The following CYP7B1 variants were observed in gnomAD, a reference collection of about 807,000 sequenced individuals.
CYP7B1 encodes cytochrome P450 7B1.
A neutral mutation model predicts 42.7 loss-of-function variants in CYP7B1; 29 were observed. The observed-to-expected ratio is 0.68, with a 90% CI of 0.51 to 0.93. The LOEUF is 0.93. Among genes scored for constraint, CYP7B1 ranks in the 40% least tolerant of loss-of-function variants. The pLI, the probability that CYP7B1 is intolerant of heterozygous loss-of-function variation, is 0.00. For synonymous variants in CYP7B1, 235 were observed against 218.2 expected, an observed-to-expected ratio of 1.08 and a Z score of -0.68; for missense variants, 655 against 600.5, an observed-to-expected ratio of 1.09 and a Z score of -0.95.
At chr8:64,625,407 C>T (rs1162397537) in intron 1 of CYP7B1, among the ~76,000 whole-genome samples, 1 of 152,166 alleles carries the variant, frequency 6.6e-6, no homozygotes, top group Non-Finnish European at 1.5e-5. Context: ...TTCCCGTCAT[C>T]ATAGGTAGGT....
intron 1 of CYP7B1, among the ~76,000 whole-genome samples, chr8:64,678,534 A>T (rs1307360816): frequency 6.6e-6 from 1 of 152,154 alleles, no homozygotes; most frequent in Non-Finnish European, 1.5e-5. Flanking sequence ...ATTTCCCAGG[A>T]TATTTTGAAC....
chr8:64,680,567 C>CA (rs36027601), intron 1 of CYP7B1, among the ~76,000 whole-genome samples: 5,219 of 149,742 alleles, frequency 0.035, 269 homozygotes, highest in African/African-American at 0.12. Context: ...TAAGAATTCA[C>CA]AAAAAAAAAC....
intron 1 of CYP7B1, among the ~76,000 whole-genome samples, chr8:64,794,625 A>G (rs1804676651): frequency 6.6e-6 from 1 of 152,176 alleles, no homozygotes; most frequent in African/African-American, 2.4e-5. Context: ...AATCTCATCT[A>G]TGAAGGCATT....
chr8:64,663,350 G>A (rs575634524), intron 1 of CYP7B1, among the ~76,000 whole-genome samples: 3 of 152,254 alleles, frequency 2.0e-5, no homozygotes, highest in African/African-American at 7.2e-5. Context: ...TTAGCACAGG[G>A]CTTGACACTT....
chr8:64,724,208 C>T lies in CYP7B1; in HGVS notation c.122+74258G>A, dbSNP rs546295817. ...TAGATGGAGTGCAGTGGCGCAATCT[C>T]GATACACTGCAACCTCTGCCTCCTG... On this transcript the variant is annotated intron_variant, in intron 1 of 5. Coordinates refer to ENST00000310193, the MANE Select transcript of CYP7B1 (RefSeq NM_004820.5). Among the ~76,000 whole-genome samples, 15 of 152,060 alleles carry T rather than the reference C, an allele frequency of 9.9e-5. No individual in the cohort carries two copies. In the East Asian group the frequency reaches 2.9e-3, roughly 29 times the overall value.
Position 64,594,122 on chromosome 8 carries a change from G to A in CYP7B1, c.*2520C>T, listed in dbSNP as rs576729918. Among the ~76,000 whole-genome samples the A allele has an allele frequency of 2.0e-5, 3 of 152,112 alleles. No homozygotes were observed. Among genetic ancestry groups the A allele is most frequent in the African/African-American group, 7.2e-5 (3 of 41,512 alleles). ...AAATGTGTGTATGTGGGGGGTGGGTGGTGGGGCTTGGGGACAAGGCATTTA... is the reference window on the plus strand; with the variant it reads ...AAATGTGTGTATGTGGGGGGTGGGTAGTGGGGCTTGGGGACAAGGCATTTA... On this transcript the variant is annotated 3_prime_UTR_variant, in exon 6 of 6. Coordinates refer to ENST00000310193, the MANE Select transcript of CYP7B1 (RefSeq NM_004820.5).
chr8:64,665,474 G>T (rs921600939), intron 1 of CYP7B1, among the ~76,000 whole-genome samples: 63 of 150,394 alleles, frequency 4.2e-4, no homozygotes, highest in African/African-American at 1.5e-3. Flanking sequence ...CATAAACTAG[G>T]CAAACTAAGT....
intron 1 of CYP7B1, among the ~76,000 whole-genome samples, chr8:64,670,884 AC>A (rs1806356206): frequency 6.6e-6 from 1 of 151,818 alleles, no homozygotes; most frequent in Non-Finnish European, 1.5e-5. Flanking sequence ...TTTTTTTTAA[AC>A]CCTGGTGTTA....
chr8:64,603,642 A>T (rs1805233739), intron 5 of CYP7B1, among the ~76,000 whole-genome samples: 1 of 152,222 alleles, frequency 6.6e-6, no homozygotes, highest in African/African-American at 2.4e-5. Context: ...TTCACTTGCT[A>T]ATACTCTACA....
intron 1 of CYP7B1, among the ~76,000 whole-genome samples, chr8:64,721,826 A>G (rs1807241162): frequency 6.6e-6 from 1 of 152,192 alleles, no homozygotes; most frequent in Non-Finnish European, 1.5e-5. Context: ...GACACATATG[A>G]TATAGATAAC....
intron 1 of CYP7B1, among the ~76,000 whole-genome samples, chr8:64,704,825 G>C (rs1806969419): frequency 6.6e-6 from 1 of 151,966 alleles, no homozygotes; most frequent in African/African-American, 2.4e-5. Context: ...CTGACATCTA[G>C]AGTATGTCTG....
At chr8:64,712,836 C>T (rs1807101635) in intron 1 of CYP7B1, among the ~76,000 whole-genome samples, 1 of 151,630 alleles carries the variant, frequency 6.6e-6, no homozygotes, top group Non-Finnish European at 1.5e-5. Flanking sequence ...TCTTAAAACA[C>T]TGTGAGGCCG....
At chr8:64,665,953 A>C (rs1396721494) in intron 1 of CYP7B1, among the ~76,000 whole-genome samples, 1 of 152,158 alleles carries the variant, frequency 6.6e-6, no homozygotes. Flanking sequence ...GCTTGTCTTT[A>C]AGTATATTGT....
intron 1 of CYP7B1, among the ~76,000 whole-genome samples, chr8:64,660,140 G>A (rs1044308157): frequency 1.3e-5 from 2 of 152,142 alleles, no homozygotes; most frequent in Non-Finnish European, 2.9e-5. Context: ...CACTATTACT[G>A]TTGCTTTGTT....
At chr8:64,604,904 TG>T in intron 4 of CYP7B1, 47 bp from the exon 5 acceptor site, 1 of 1,585,350 alleles carries the variant, frequency 6.3e-7, no homozygotes, top group South Asian at 1.1e-5. Flanking sequence ...GGGCTGGTCC[TG>T]AAAACTGCTC....
At chr8:64,755,443 G>A (rs1308495921) in intron 1 of CYP7B1, among the ~76,000 whole-genome samples, 1 of 151,836 alleles carries the variant, frequency 6.6e-6, no homozygotes, top group Non-Finnish European at 1.5e-5. Context: ...TTTTGAGATG[G>A]AATCTTGCCC....
At chr8:64,724,738 G>A (rs1167547371) in intron 1 of CYP7B1, among the ~76,000 whole-genome samples, 1 of 152,070 alleles carries the variant, frequency 6.6e-6, no homozygotes, top group African/African-American at 2.4e-5. Context: ...ACTAAAAGAT[G>A]TAGGGCTCAG....
chr8:64,604,784 A>G lies in CYP7B1; in HGVS notation c.1131T>C (p.Thr377=). The change falls in exon 5 of 6, where the codon ACT becomes ACC. Residue 377 remains threonine (T), a synonymous_variant. Coordinates refer to ENST00000310193, the MANE Select transcript of CYP7B1 (RefSeq NM_004820.5). Reference sequence around the variant, plus strand: ...AGTAGTCCCCGGTCTCTGAACTGAGAGTCAAATCCTCCTCAACAAAACGAA... The same window carrying G: ...AGTAGTCCCCGGTCTCTGAACTGAGGGTCAAATCCTCCTCAACAAAACGAA... The part of the protein sequence containing the change: ...TTIRFVEEDL[T]LSSETGDYCV... 1 of 1,614,168 alleles carries G rather than the reference A, an allele frequency of 6.2e-7. No individual in the cohort carries two copies. The highest frequency in any genetic ancestry group is 8.5e-7 in the Non-Finnish European group (1 of 1,180,040).
At chr8:64,738,124 G>A (rs1039314268) in intron 1 of CYP7B1, among the ~76,000 whole-genome samples, 1 of 152,112 alleles carries the variant, frequency 6.6e-6, no homozygotes. Flanking sequence ...AGTTCTCTGA[G>A]TATCTGCATA....
Sources: allele counts gnomAD v4.1 joint callset (sites outside exome capture counted in the v4.1 genomes callset), GRCh38; gene constraint gnomAD v4.1.1; transcripts MANE v1.5; gene names NCBI Gene and HGNC (gene_info 2026-07-23, HGNC 2026-07-21).